Variants in PRKAG2 observed in about 807,000 individuals in gnomAD.
The protein encoded by PRKAG2 is 5'-AMP-activated protein kinase subunit gamma-2.
A neutral mutation model predicts 69.6 loss-of-function variants in PRKAG2; 26 were observed. The ratio of observed to expected loss-of-function variants is 0.37; its 90% CI spans 0.27 to 0.52. The LOEUF (loss-of-function observed/expected upper bound fraction) is 0.52, where lower values mean the gene tolerates loss of function less well. Among genes scored for constraint, PRKAG2 ranks in the 20% least tolerant of loss-of-function variants. The pLI is 0.90. For missense variants in PRKAG2, 557 were observed against 740.0 expected (o/e 0.75, Z 2.87); for synonymous variants, 293 against 285.0 (o/e 1.03, Z -0.28).
intron 1 of PRKAG2, among the ~76,000 whole-genome samples, chr7:151,824,591 G>C (rs933241802): frequency 6.6e-6 from 1 of 152,066 alleles, no homozygotes; most frequent in Non-Finnish European, 1.5e-5. Context: ...AGAAGTGATG[G>C]GTGCCACTTC....
chr7:151,729,063 C>T (rs927495676), intron 3 of PRKAG2, among the ~76,000 whole-genome samples: 4 of 151,638 alleles, frequency 2.6e-5, no homozygotes, highest in African/African-American at 9.7e-5. Context: ...AGAGCTGGGC[C>T]ACTTGTCCAG....
At chr7:151,745,035 G>T (rs556826427) in intron 3 of PRKAG2, among the ~76,000 whole-genome samples, 7 of 152,306 alleles carry the variant, frequency 4.6e-5, no homozygotes, top group Non-Finnish European at 8.8e-5. Context: ...GTGGGATTGT[G>T]GGGGTCGACA....
At chr7:151,832,603 G>GC (rs895357882) in intron 1 of PRKAG2, among the ~76,000 whole-genome samples, 3 of 151,496 alleles carry the variant, frequency 2.0e-5, no homozygotes, top group Non-Finnish European at 3.0e-5. Flanking sequence ...TCTGGGGGGG[G>GC]GGTCCCAGCA....
At chr7:151,723,486 C>A (rs773390999) in intron 3 of PRKAG2, among the ~76,000 whole-genome samples, 2 of 152,216 alleles carry the variant, frequency 1.3e-5, no homozygotes, top group Admixed American at 6.5e-5. Flanking sequence ...AACTGGCCCA[C>A]GCCCTAGGTC....
chr7:151,862,708 A>G (rs1466922624), intron 1 of PRKAG2, among the ~76,000 whole-genome samples: 2 of 152,240 alleles, frequency 1.3e-5, no homozygotes, highest in African/African-American at 4.8e-5. Flanking sequence ...TGAGAAAGGG[A>G]CGCGGTGCCG....
At chr7:151,737,607 T>C (rs1039247232) in intron 3 of PRKAG2, among the ~76,000 whole-genome samples, 3 of 151,902 alleles carry the variant, frequency 2.0e-5, no homozygotes, top group African/African-American at 7.2e-5. Flanking sequence ...GAGTGTGGGG[T>C]GGAAGCGCCC....
intron 3 of PRKAG2, among the ~76,000 whole-genome samples, chr7:151,733,142 G>T (rs1799230157): frequency 6.6e-6 from 1 of 152,220 alleles, no homozygotes; most frequent in Admixed American, 6.5e-5. Flanking sequence ...CACTGTCTGT[G>T]GGGCACAGGG....
chr7:151,666,326 A>G (rs1480117131), intron 4 of PRKAG2, among the ~76,000 whole-genome samples: 1 of 152,200 alleles, frequency 6.6e-6, no homozygotes, highest in Non-Finnish European at 1.5e-5. Flanking sequence ...TCCTTAAAAG[A>G]AGGAGAGGAG....
chr7:151,645,083 C>G (rs139765985), intron 4 of PRKAG2, among the ~76,000 whole-genome samples: 59 of 152,260 alleles, frequency 3.9e-4, no homozygotes, highest in African/African-American at 1.4e-3. Flanking sequence ...AATGCATGAT[C>G]CCCACCTCCT....
chr7:151,823,840 T>C (rs997393600), intron 1 of PRKAG2, among the ~76,000 whole-genome samples: 10 of 152,162 alleles, frequency 6.6e-5, no homozygotes, highest in African/African-American at 2.2e-4. Flanking sequence ...TTAGAACCTC[T>C]GGGGAGTTTT....
rs777033768 is a variant in PRKAG2 at position 151,632,169 on chromosome 7, A to C, written c.685-31T>G. ...GGGGAGGAGGAGGACAGCGATCAGC[A>C]TGAGCTGCGACGCTCGTCCCCGGCC... On this transcript the variant is annotated intron_variant, in intron 4 of 15. Coordinates refer to ENST00000287878, the MANE Select transcript of PRKAG2 (RefSeq NM_016203.4). The surrounding 1 kb of genome is among the most constrained non-coding windows in gnomAD (Gnocchi z 4.2). 68 of 1,299,712 alleles carry C rather than the reference A, an allele frequency of 5.2e-5. No individual in the cohort carries two copies. The highest frequency in any genetic ancestry group is 6.3e-5 in the Non-Finnish European group (64 of 1,013,488). The allele number at this position is 1,299,712 out of a possible 1,614,324, so 80.5% of individuals were successfully genotyped here.
Position 151,714,532 on chromosome 7 carries a change from C to T in PRKAG2, c.467-38895G>A, listed in dbSNP as rs374770667. Reference sequence around the variant, plus strand: ...CACCCTGCCACCTCTCCCTGGTGGCCTTGCCCTTCGTGTATCTGTTCAGGG... The same window carrying T: ...CACCCTGCCACCTCTCCCTGGTGGCTTTGCCCTTCGTGTATCTGTTCAGGG... On this transcript the variant is annotated intron_variant, in intron 3 of 15. Coordinates refer to ENST00000287878, the MANE Select transcript of PRKAG2 (RefSeq NM_016203.4). 2.5e-4 allele frequency among the ~76,000 whole-genome samples: 38 copies of T among 151,430 alleles called. No homozygotes were observed. In the East Asian group the frequency reaches 3.3e-3, roughly 13 times the overall value.
At chr7:151,809,420 G>A (rs1051071303) in intron 1 of PRKAG2, 18 of 359,292 alleles carry the variant, frequency 5.0e-5, no homozygotes, top group African/African-American at 1.1e-4. Flanking sequence ...AGGGGACTCC[G>A]GCAGGCGCTC....
rs397517278 is a variant in PRKAG2 at position 151,632,145 on chromosome 7, G to A, written c.685-7C>T. 1.4e-6 allele frequency: 2 copies of A among 1,392,042 alleles called. No individual in the cohort carries two copies. The highest frequency in any genetic ancestry group is 1.5e-5 in the South Asian group (1 of 68,422). The allele number at this position is 1,392,042 out of a possible 1,614,324, so 86.2% of individuals were successfully genotyped here. A position where few individuals can be genotyped will look rare whatever the true frequency, so the allele number is the denominator to read the frequency against. ...GGGCCGCCGCCAGCGCCGCCTGAGG[G>A]GGAGGAGGAGGACAGCGATCAGCAT... On this transcript the variant is annotated splice_region_variant and splice_polypyrimidine_tract_variant and intron_variant, in intron 4 of 15. Coordinates refer to ENST00000287878, the MANE Select transcript of PRKAG2 (RefSeq NM_016203.4). This position sits in a 1 kb window ranked among gnomAD's most constrained non-coding sequence, Gnocchi z 4.2.
intron 3 of PRKAG2, among the ~76,000 whole-genome samples, chr7:151,726,390 ACACACACACACG>A (rs1239570259): frequency 4.1e-5 from 6 of 144,990 alleles, no homozygotes; most frequent in South Asian, 2.6e-4. Context: ...ACACACACAC[ACACACACACACG>A]CACACACACA....
intron 5 of PRKAG2, among the ~76,000 whole-genome samples, chr7:151,631,132 GTTCT>G (rs1313357763): frequency 2.6e-5 from 4 of 151,982 alleles, no homozygotes; most frequent in Non-Finnish European, 5.9e-5. Context: ...CACATGGCAC[GTTCT>G]TTGTTTCGAG....
intron 1 of PRKAG2, among the ~76,000 whole-genome samples, chr7:151,802,967 T>A (rs1382183550): frequency 0.012 from 1,710 of 141,984 alleles, 27 homozygotes; most frequent in African/African-American, 0.031. Context: ...TATATATTTT[T>A]TTTTTTTTGA....
intron 15 of PRKAG2, chr7:151,558,581 G>A (rs1804279314): frequency 5.4e-6 from 5 of 919,816 alleles, no homozygotes; most frequent in South Asian, 1.0e-4. Context: ...TGCGATTGTT[G>A]ATCAGATGCA....
At chr7:151,849,638 C>T (rs1228504674) in intron 1 of PRKAG2, among the ~76,000 whole-genome samples, 1 of 152,134 alleles carries the variant, frequency 6.6e-6, no homozygotes, top group Non-Finnish European at 1.5e-5. Context: ...TGTGGGGGAC[C>T]CTTCCGTGCC....
Sources: allele counts gnomAD v4.1 joint callset (sites outside exome capture counted in the v4.1 genomes callset), GRCh38; gene constraint gnomAD v4.1.1; non-coding constraint Gnocchi (gnomAD v3.1); transcripts MANE v1.5; gene names NCBI Gene and HGNC (gene_info 2026-07-23, HGNC 2026-07-21).